RD3: variants seen among roughly 807,000 people sequenced by gnomAD.
RD3 encodes the protein protein RD3.
Under a neutral mutation model 16.9 loss-of-function variants are expected in RD3, and 11 were observed. The observed-to-expected ratio is 0.65, with a 90% CI of 0.41 to 1.08. The LOEUF (loss-of-function observed/expected upper bound fraction) is 1.08. Ranked by LOEUF, RD3 falls within the 50% of genes least tolerant of loss-of-function variation. The pLI, the probability that RD3 is intolerant of heterozygous loss-of-function variation, is 0.00. For missense variants in RD3, 274 were observed against 267.4 expected, an observed-to-expected ratio of 1.02 and a Z score of -0.17; for synonymous variants, 116 against 114.8, an observed-to-expected ratio of 1.01 and a Z score of -0.07.
chr1:211,478,794 T>C lies in RD3; in HGVS notation c.*242A>G. On this transcript the variant is annotated 3_prime_UTR_variant, in exon 3 of 3. Coordinates refer to ENST00000680073, the MANE Select transcript of RD3 (RefSeq NM_001164688.2). ...TGCCAGTTAGGGAAGGGGCTGCTCC[T>C]GCAGACTAGCGCAGGAGAGGGAGAG... is the stretch of plus-strand genomic sequence containing the variant. 1 of 528,504 alleles carries C rather than the reference T, an allele frequency of 1.9e-6. No individual in the cohort carries two copies. The highest frequency in any genetic ancestry group is 3.3e-6 in the Non-Finnish European group (1 of 299,808). The allele number at this position is 528,504 out of a possible 1,614,324, so 32.7% of individuals were successfully genotyped here.
Position 211,491,774 on chromosome 1 carries a change from G to C in RD3, c.-18C>G, listed in dbSNP as rs958193320. 6.6e-6 allele frequency: 1 copy of C among 152,302 alleles called. No homozygotes were observed. Among genetic ancestry groups the C allele is most frequent in the Non-Finnish European group, 1.5e-5 (1 of 68,110 alleles). The allele number at this position is 152,302 out of a possible 1,614,324, so 9.4% of individuals were successfully genotyped here. A position where few individuals can be genotyped will look rare whatever the true frequency, so the allele number is the denominator to read the frequency against. On this transcript the variant is annotated 5_prime_UTR_variant, in exon 1 of 3. Transcript: ENST00000680073. The stretch of plus-strand genomic sequence containing the variant: ...GGGGAGACCTCCATCTTACCTCTGA[G>C]GTCAGCCTCTGCTCAGGTGCAGCGT...
intron 2 of RD3, among the ~76,000 whole-genome samples, chr1:211,480,753 T>A (rs1406109033): frequency 2.0e-5 from 3 of 152,028 alleles, no homozygotes; most frequent in Non-Finnish European, 2.9e-5. Flanking sequence ...TTTGGAGAAA[T>A]GTCTGGAAAA....
chr1:211,484,890 G>A (rs1572143884), intron 1 of RD3, among the ~76,000 whole-genome samples: 1 of 152,368 alleles, frequency 6.6e-6, no homozygotes, highest in African/African-American at 2.4e-5. Context: ...TCTGACTTAG[G>A]GTTGCTCGCT....
Position 211,479,079 on chromosome 1 carries a change from C to T in RD3, c.545G>A (p.Arg182Gln), listed in dbSNP as rs747890482. ...CCGGAATTCGGGCATGCTCCAGGAC[C>T]GCAGTGGCGGCGGTGTGTCCCGCTC... is the stretch of plus-strand genomic sequence containing the variant. ...DVERDTPPPL[R>Q]SWSMPEFRAP... Residue 182 changes from arginine to glutamine, a missense_variant, in exon 3 of 3, where the codon CGG (arginine) becomes CAG (glutamine). Coordinates refer to ENST00000680073, the MANE Select transcript of RD3 (RefSeq NM_001164688.2). 4 of 1,610,618 alleles carry T rather than the reference C, an allele frequency of 2.5e-6. No individual in the cohort carries two copies. The highest frequency in any genetic ancestry group is 1.7e-4 in the Middle Eastern group (1 of 6,050).
intron 1 of RD3, among the ~76,000 whole-genome samples, chr1:211,482,834 C>G (rs966295657): frequency 2.6e-5 from 4 of 151,832 alleles, no homozygotes; most frequent in African/African-American, 7.3e-5. Flanking sequence ...GCACCTTTCT[C>G]CCTCCAAGCC....
At chr1:211,483,563 C>A (rs1380844692) in intron 1 of RD3, among the ~76,000 whole-genome samples, 2 of 151,860 alleles carry the variant, frequency 1.3e-5, no homozygotes, top group African/African-American at 4.8e-5. Context: ...GAGAGTGGGA[C>A]GAAAGGACGA....
At chr1:211,479,445 C>G in intron 2 of RD3, 118 bp from the exon 3 acceptor site, 1 of 916,368 alleles carries the variant, frequency 1.1e-6, no homozygotes, top group Non-Finnish European at 1.6e-6. Context: ...CCACTCTACT[C>G]TGCTCCTGAA....
intron 2 of RD3, among the ~76,000 whole-genome samples, chr1:211,480,498 C>A (rs374531499): frequency 6.6e-6 from 1 of 152,118 alleles, no homozygotes; most frequent in Non-Finnish European, 1.5e-5. Context: ...TGAAATTACT[C>A]GATGCTTCCT....
rs942696127 is a variant in RD3 at position 211,478,515 on chromosome 1, T to A, written c.*521A>T. 1.7e-5 allele frequency: 4 copies of A among 241,938 alleles called. No individual in the cohort carries two copies. Among genetic ancestry groups the A allele is most frequent in the Non-Finnish European group, 2.3e-5 (3 of 127,788 alleles). The allele number at this position is 241,938 out of a possible 1,614,324, so 15.0% of individuals were successfully genotyped here. On this transcript the variant is annotated 3_prime_UTR_variant, in exon 3 of 3. Transcript: ENST00000680073. ...AGAGTGGATCTAAATGTCTCTCTGG[T>A]CCCTTCCAGCTGTGCCTGCCTATGA...
rs973148157 is a variant in RD3 at position 211,477,676 on chromosome 1, G to A, written c.*1360C>T. Reference sequence around the variant, plus strand: ...GAAAATCCAAAAAAACTTCAAAAGGGAAGTTCAAAACCAAATCATTCAAAA... The same window carrying A: ...GAAAATCCAAAAAAACTTCAAAAGGAAAGTTCAAAACCAAATCATTCAAAA... On this transcript the variant is annotated 3_prime_UTR_variant, in exon 3 of 3. Transcript: ENST00000680073. 1 of 157,198 alleles carries A rather than the reference G, an allele frequency of 6.4e-6. No homozygotes were observed. The highest frequency in any genetic ancestry group is 1.4e-5 in the Non-Finnish European group (1 of 71,674). The allele number at this position is 157,198 out of a possible 1,614,324, so 9.7% of individuals were successfully genotyped here.
Position 211,491,843 on chromosome 1 carries a change from G to C in RD3, c.-87C>G, listed in dbSNP as rs1347665698. 6.6e-6 allele frequency: 1 copy of C among 152,356 alleles called. No homozygotes were observed. Among genetic ancestry groups the C allele is most frequent in the African/African-American group, 2.4e-5 (1 of 41,432 alleles). The allele number at this position is 152,356 out of a possible 1,614,324, so 9.4% of individuals were successfully genotyped here. A position where few individuals can be genotyped will look rare whatever the true frequency, so the allele number is the denominator to read the frequency against. On this transcript the variant is annotated 5_prime_UTR_variant, in exon 1 of 3. Coordinates refer to ENST00000680073, the MANE Select transcript of RD3 (RefSeq NM_001164688.2). Reference sequence around the variant, plus strand: ...TTCTGCTTCCCAGTCTGGGAGAAGAGAGTGTCTGGATATTTTCAGGAAAAA... The same window carrying C: ...TTCTGCTTCCCAGTCTGGGAGAAGACAGTGTCTGGATATTTTCAGGAAAAA...
intron 1 of RD3, among the ~76,000 whole-genome samples, chr1:211,487,462 G>A (rs114547036): frequency 0.012 from 1,773 of 152,294 alleles, 36 homozygotes; most frequent in African/African-American, 0.04. Context: ...CCTTCATAGG[G>A]CCAAGCCCTT....
Position 211,478,925 on chromosome 1 carries a change from G to A in RD3, c.*111C>T. The A allele has an allele frequency of 1.0e-6, 1 of 983,334 alleles. No homozygotes were observed. Among genetic ancestry groups the A allele is most frequent in the Non-Finnish European group, 1.5e-6 (1 of 687,592 alleles). The allele number at this position is 983,334 out of a possible 1,614,324, so 60.9% of individuals were successfully genotyped here. On this transcript the variant is annotated 3_prime_UTR_variant, in exon 3 of 3. Transcript: ENST00000680073. ...GCGTCTTGGGATGGGGCCGCCTCTT[G>A]GGTCTCCTCGTCAGGCCTAGGTGGG... is the stretch of plus-strand genomic sequence containing the variant.
At chr1:211,488,779 A>T (rs1705428037) in intron 1 of RD3, among the ~76,000 whole-genome samples, 1 of 152,120 alleles carries the variant, frequency 6.6e-6, no homozygotes, top group Non-Finnish European at 1.5e-5. Context: ...GTCCATTGAC[A>T]CATACATGCC....
chr1:211,477,016 C>T lies in RD3; in HGVS notation c.*2020G>A, dbSNP rs1191096592. On this transcript the variant is annotated 3_prime_UTR_variant, in exon 3 of 3. Transcript: ENST00000680073. ...CCCTACCAGCTGAGCAGTCTGCTTA[C>T]CAAGGGTCACTTCTGCTTGTTCCAA... 1 of 152,008 alleles carries T rather than the reference C, an allele frequency of 6.6e-6. No homozygotes were observed. The highest frequency in any genetic ancestry group is 6.6e-5 in the Admixed American group (1 of 15,260). The allele number at this position is 152,008 out of a possible 1,614,324, so 9.4% of individuals were successfully genotyped here.
chr1:211,488,215 T>C (rs1416498030), intron 1 of RD3, among the ~76,000 whole-genome samples: 1 of 152,158 alleles, frequency 6.6e-6, no homozygotes, highest in East Asian at 1.9e-4. Flanking sequence ...TTGTAATTCT[T>C]ATGAGACACA....
chr1:211,481,951 G>T (rs969122287), intron 1 of RD3, among the ~76,000 whole-genome samples: 2 of 152,214 alleles, frequency 1.3e-5, no homozygotes, highest in East Asian at 1.9e-4. Flanking sequence ...GGCCAGCCAT[G>T]GTGGTTCACA....
rs1307392174 is a variant in RD3, at chr1:211,479,055, C to T, written c.569G>A (p.Arg190Gln). ...PLRSWSMPEF[R>Q]APKAD is the part of the protein sequence containing the mutation. ...CCGGGGTCAGTCGGCTTTGGGCGCC[C>T]GGAATTCGGGCATGCTCCAGGACCG... is the stretch of plus-strand genomic sequence containing the variant. The change falls in exon 3 of 3, where the codon CGG (arginine) becomes CAG (glutamine). Residue 190 changes from arginine (R) to glutamine (Q), a missense_variant. Physicochemically the swap from Arg to Gln is conservative, Grantham distance 43. Transcript: ENST00000680073. 1.9e-6 allele frequency: 3 copies of T among 1,601,584 alleles called. No individual in the cohort carries two copies. Among genetic ancestry groups the T allele is most frequent in the South Asian group, 1.1e-5 (1 of 90,676 alleles).
At chr1:211,490,090 AGCTGT>A (rs964559391) in intron 1 of RD3, among the ~76,000 whole-genome samples, 2 of 151,982 alleles carry the variant, frequency 1.3e-5, no homozygotes, top group Non-Finnish European at 2.9e-5. Flanking sequence ...GTGGCTCGTT[AGCTGT>A]GCTGGAAAAA....
Sources: gnomAD v4.1 joint callset for allele counts (sites outside exome capture counted in the v4.1 genomes callset) on GRCh38, gnomAD v4.1.1 for gene constraint, MANE v1.5 for transcripts, NCBI Gene and HGNC (gene_info 2026-07-23, HGNC 2026-07-21) for gene names.